CA8: variants seen among roughly 807,000 people sequenced by gnomAD.
The protein encoded by CA8 is carbonic anhydrase 8 (inactive).
A neutral mutation model predicts 41.4 loss-of-function variants in CA8; 22 were observed. The ratio of observed to expected loss-of-function variants is 0.53; its 90% confidence interval spans 0.38 to 0.76. CA8 has a LOEUF of 0.76. Among genes scored for constraint, CA8 ranks in the 30% least tolerant of loss-of-function variants. The pLI is 0.00. For synonymous variants in CA8, 121 were observed against 130.6 expected (o/e 0.93, Z 0.50); for missense variants, 270 against 352.8 (o/e 0.77, Z 1.88).
chr8:60,258,841 G>A (rs1174510128), intron 3 of CA8, among the ~76,000 whole-genome samples: 3 of 152,108 alleles, frequency 2.0e-5, no homozygotes, highest in African/African-American at 2.4e-5. Context: ...AACAGGAGGC[G>A]GACTCAGGAG....
At chr8:60,264,390 C>A (rs7836637) in intron 3 of CA8, among the ~76,000 whole-genome samples, 1 of 152,212 alleles carries the variant, frequency 6.6e-6, no homozygotes, top group Non-Finnish European at 1.5e-5. Context: ...AGGGCAAAGG[C>A]GCTGACAGTC....
chr8:60,219,929 T>TAAAAAAAAAAAAAAAAAAAA lies in CA8; in HGVS notation c.738+2700_738+2719dup, dbSNP rs546162939. ...CTCTAGTATTTCCTAAATCTTAACT[T>TAAAAAAAAAAAAAAAAAAAA]AAAAAAAAAAAAAAAAAAAAAAAAC... On this transcript the variant is annotated intron_variant, in intron 7 of 8. Coordinates refer to ENST00000317995, the MANE Select transcript of CA8 (RefSeq NM_004056.6). 1.6e-4 allele frequency among the ~76,000 whole-genome samples: 13 copies of TAAAAAAAAAAAAAAAAAAAA among 82,014 alleles called. 1 individual carries two copies. Among genetic ancestry groups the TAAAAAAAAAAAAAAAAAAAA allele is most frequent in the African/African-American group, 5.7e-4 (12 of 21,020 alleles). 53.8% of individuals were successfully genotyped at this position (82,014 alleles called of 152,430 possible). A position where few individuals can be genotyped will look rare whatever the true frequency, so the allele number is the denominator to read the frequency against.
chr8:60,244,229 A>C (rs898834364), intron 3 of CA8, among the ~76,000 whole-genome samples: 1 of 152,018 alleles, frequency 6.6e-6, no homozygotes, highest in Non-Finnish European at 1.5e-5. Flanking sequence ...GATTCCCATC[A>C]CCAGTGCCTT....
chr8:60,279,993 A>G lies in CA8; in HGVS notation c.101-113T>C, dbSNP rs926464505. On this transcript the variant is annotated intron_variant, in intron 1 of 8. Transcript: ENST00000317995. Reference sequence around the variant, plus strand: ...TTGATATCATGAAGAGAGTAATGATACCATCACTATACAGATGAAATATGG... The same window carrying G: ...TTGATATCATGAAGAGAGTAATGATGCCATCACTATACAGATGAAATATGG... 13 of 777,952 alleles carry G rather than the reference A, an allele frequency of 1.7e-5. No homozygotes were observed. The African/African-American group carries it at 2.3e-4, about 14-fold the overall frequency. 48.2% of individuals were successfully genotyped at this position (777,952 alleles called of 1,614,324 possible). A position where few individuals can be genotyped will look rare whatever the true frequency, so the allele number is the denominator to read the frequency against.
intron 3 of CA8, among the ~76,000 whole-genome samples, chr8:60,242,470 G>A (rs1808063444): frequency 6.6e-6 from 1 of 152,234 alleles, no homozygotes; most frequent in South Asian, 2.1e-4. Flanking sequence ...TCCCAAGAGG[G>A]AGGGTTGGAA....
chr8:60,247,491 T>C (rs1563367771), intron 3 of CA8, among the ~76,000 whole-genome samples: 1 of 152,178 alleles, frequency 6.6e-6, no homozygotes, highest in Non-Finnish European at 1.5e-5. Context: ...CACTTATGAG[T>C]GAGAACATGC....
At position 60,281,067 on chromosome 8, in the gene CA8, C is replaced by G. The variant is rs141820235; in HGVS notation, c.81G>C (p.Val27=). 4.3e-6 allele frequency: 7 copies of G among 1,611,210 alleles called. No homozygotes were observed. The African/African-American group carries it at 9.3e-5, about 22-fold the overall frequency. The change falls in exon 1 of 9, where the codon GTG becomes GTC. Residue 27 remains valine, a synonymous_variant. Transcript: ENST00000317995. ...EEDEEEEEEG[V]EWGYEEGVEW... ...ACTTACCTTCCTCGTAGCCCCACTC[C>G]ACACCCTCCTCTTCTTCCTCCTCAT...
At chr8:60,247,881 A>C (rs1808305872) in intron 3 of CA8, among the ~76,000 whole-genome samples, 1 of 152,242 alleles carries the variant, frequency 6.6e-6, no homozygotes, top group Non-Finnish European at 1.5e-5. Flanking sequence ...ACAGCATAAA[A>C]GCATTCTTGT....
intron 7 of CA8, among the ~76,000 whole-genome samples, chr8:60,211,021 C>T (rs980918900): frequency 3.3e-5 from 5 of 152,150 alleles, no homozygotes; most frequent in Admixed American, 2.6e-4. Context: ...AAGAATATCA[C>T]AGTGAGGGCA....
At chr8:60,261,380 G>A (rs565594965) in intron 3 of CA8, among the ~76,000 whole-genome samples, 2 of 152,204 alleles carry the variant, frequency 1.3e-5, no homozygotes, top group South Asian at 4.2e-4. Context: ...AGAAAGATAA[G>A]GGTCCAACAT....
chr8:60,206,418 A>G (rs139560713), intron 8 of CA8, among the ~76,000 whole-genome samples: 148 of 152,242 alleles, frequency 9.7e-4, no homozygotes, highest in African/African-American at 3.3e-3. Flanking sequence ...GAGAATGGCA[A>G]CTCTGGTCTA....
intron 2 of CA8, among the ~76,000 whole-genome samples, chr8:60,270,573 G>A (rs1013245067): frequency 6.6e-6 from 1 of 152,074 alleles, no homozygotes; most frequent in East Asian, 1.9e-4. Flanking sequence ...GCACCACCAT[G>A]CCTGGCTAAT....
At chr8:60,229,314 G>A (rs1807557430) in intron 4 of CA8, among the ~76,000 whole-genome samples, 1 of 152,160 alleles carries the variant, frequency 6.6e-6, no homozygotes, top group Non-Finnish European at 1.5e-5. Flanking sequence ...CTCTTTTGCA[G>A]GCCTTTCAAG....
intron 1 of CA8, among the ~76,000 whole-genome samples, 198 bp downstream of exon 1, chr8:60,280,850 A>G (rs1184834978): frequency 6.6e-6 from 1 of 152,206 alleles, no homozygotes; most frequent in Non-Finnish European, 1.5e-5. Context: ...GGAAGAGCGC[A>G]GGCGGCGAGC....
At chr8:60,267,586 C>T (rs1354099400) in intron 2 of CA8, among the ~76,000 whole-genome samples, 1 of 152,094 alleles carries the variant, frequency 6.6e-6, no homozygotes, top group Non-Finnish European at 1.5e-5. Context: ...GGCAGAAAAG[C>T]GGGATGAAGA....
chr8:60,281,016 G>T, intron 1 of CA8, 32 bp downstream of exon 1: 1 of 1,521,856 alleles, frequency 6.6e-7, no homozygotes, highest in East Asian at 2.2e-5. Flanking sequence ...GCCGCCGCGG[G>T]ACCCCGGACA....
chr8:60,263,672 CT>C (rs1803810868), intron 3 of CA8, among the ~76,000 whole-genome samples: 1 of 152,226 alleles, frequency 6.6e-6, no homozygotes, highest in African/African-American at 2.4e-5. Context: ...CTGTAGTCCC[CT>C]GTATGAGCCA....
intron 4 of CA8, among the ~76,000 whole-genome samples, chr8:60,231,729 G>A (rs1807653589): frequency 6.6e-6 from 1 of 152,164 alleles, no homozygotes; most frequent in East Asian, 1.9e-4. Context: ...CACGTGGCCT[G>A]CTTTCATATG....
At chr8:60,270,489 C>A (rs1291671210) in intron 2 of CA8, among the ~76,000 whole-genome samples, 1 of 150,526 alleles carries the variant, frequency 6.6e-6, no homozygotes, top group Non-Finnish European at 1.5e-5. Context: ...GATCTCGGCT[C>A]ACTGCAACCT....
Sources: allele counts gnomAD v4.1 joint callset (sites outside exome capture counted in the v4.1 genomes callset), GRCh38; gene constraint gnomAD v4.1.1; transcripts MANE v1.5; gene names NCBI Gene and HGNC (gene_info 2026-07-23, HGNC 2026-07-21).